Variants in SPIDR observed in about 807,000 individuals in gnomAD.
SPIDR encodes the protein DNA repair-scaffolding protein.
Under a neutral mutation model 104.6 loss-of-function variants are expected in SPIDR, and 93 were observed. The ratio of observed to expected loss-of-function variants is 0.89; its 90% CI spans 0.75 to 1.06. SPIDR has a LOEUF of 1.06. SPIDR is among the 50% of genes least tolerant of loss of function. SPIDR has a pLI of 0.00. For missense variants in SPIDR, 1,154 were observed against 1,111.2 expected (o/e 1.04, Z -0.55); for synonymous variants, 431 against 416.9 (o/e 1.03, Z -0.41).
intron 1 of SPIDR, among the ~76,000 whole-genome samples, chr8:47,262,736 T>C (rs958050455): frequency 6.6e-6 from 1 of 152,194 alleles, no homozygotes; most frequent in Non-Finnish European, 1.5e-5. Flanking sequence ...CTATAGAGGG[T>C]CCCCAGGAGG....
chr8:47,315,516 T>C lies in SPIDR; in HGVS notation c.525+21486T>C, dbSNP rs369856144. ...AATCATTTTCTTAGCAGGACTTTTC[T>C]CTTTTGGTAGAAATTGACAAGCTGA... is the stretch of plus-strand genomic sequence containing the variant. On this transcript the variant is annotated intron_variant, in intron 5 of 19. Transcript: ENST00000297423. Among the ~76,000 whole-genome samples the C allele has an allele frequency of 1.8e-4, 28 of 152,292 alleles. No individual in the cohort carries two copies. The South Asian group carries it at 4.1e-3, about 23-fold the overall frequency.
intron 10 of SPIDR, among the ~76,000 whole-genome samples, chr8:47,625,338 G>GCCCT (rs992629353): frequency 1.1e-4 from 16 of 152,200 alleles, no homozygotes; most frequent in African/African-American, 3.9e-4. Context: ...AGACAGGGAT[G>GCCCT]CCCTCTCTCA....
At chr8:47,366,623 C>T (rs1038591606) in intron 5 of SPIDR, among the ~76,000 whole-genome samples, 1 of 152,112 alleles carries the variant, frequency 6.6e-6, no homozygotes. Context: ...GATAATCCCT[C>T]GAAAGTGGAG....
At chr8:47,375,589 C>T (rs1347034082) in intron 5 of SPIDR, among the ~76,000 whole-genome samples, 2 of 152,142 alleles carry the variant, frequency 1.3e-5, no homozygotes, top group Non-Finnish European at 2.9e-5. Flanking sequence ...TAAAGCACGG[C>T]CTTCAAAGAA....
chr8:47,316,654 A>G (rs1296043618), intron 5 of SPIDR, among the ~76,000 whole-genome samples: 1 of 152,190 alleles, frequency 6.6e-6, no homozygotes, highest in East Asian at 1.9e-4. Flanking sequence ...GGCAAAATTG[A>G]TACATAATGG....
At chr8:47,721,092 A>G (rs2083332844) in intron 16 of SPIDR, among the ~76,000 whole-genome samples, 1 of 152,128 alleles carries the variant, frequency 6.6e-6, no homozygotes, top group Non-Finnish European at 1.5e-5. Flanking sequence ...TTTGCAAACC[A>G]TAAGTTTTAA....
At chr8:47,346,881 T>G in intron 5 of SPIDR, among the ~76,000 whole-genome samples, 1 of 152,140 alleles carries the variant, frequency 6.6e-6, no homozygotes, top group South Asian at 2.1e-4. Context: ...TGGTCTATTT[T>G]GCTGATCTTT....
intron 8 of SPIDR, among the ~76,000 whole-genome samples, chr8:47,498,619 C>T (rs1270627769): frequency 6.6e-6 from 1 of 152,016 alleles, no homozygotes; most frequent in Non-Finnish European, 1.5e-5. Flanking sequence ...CTGGTATATC[C>T]TAGATACTCT....
chr8:47,347,966 AGG>A (rs2052523526), intron 5 of SPIDR, among the ~76,000 whole-genome samples: 1 of 152,062 alleles, frequency 6.6e-6, no homozygotes, highest in Non-Finnish European at 1.5e-5. Context: ...TAATATTGTT[AGG>A]TGTGAATTTG....
intron 8 of SPIDR, among the ~76,000 whole-genome samples, chr8:47,569,477 A>C (rs1330039340): frequency 6.6e-6 from 1 of 152,240 alleles, no homozygotes; most frequent in Non-Finnish European, 1.5e-5. Flanking sequence ...TGTCAAGTGC[A>C]CATGGAACAT....
chr8:47,272,821 G>A (rs2035605683), intron 1 of SPIDR, among the ~76,000 whole-genome samples: 1 of 152,164 alleles, frequency 6.6e-6, no homozygotes, highest in Non-Finnish European at 1.5e-5. Flanking sequence ...TGGGATTATA[G>A]GCATGAGCCA....
chr8:47,331,989 C>CTTTTTTTTTTTTTTTTTTTTT (rs1289524835), intron 5 of SPIDR, among the ~76,000 whole-genome samples: 26 of 36,260 alleles, frequency 7.2e-4, no homozygotes, highest in Non-Finnish European at 1.0e-3. Flanking sequence ...TTTTTTTTCT[C>CTTTTTTTTTTTTTTTTTTTTT]TTTTTTTTTT....
chr8:47,432,010 A>G (rs1380178676), intron 7 of SPIDR, among the ~76,000 whole-genome samples: 2 of 152,234 alleles, frequency 1.3e-5, no homozygotes, highest in Non-Finnish European at 2.9e-5. Flanking sequence ...TCCTGAAGTT[A>G]TCTGTGAAAT....
intron 5 of SPIDR, among the ~76,000 whole-genome samples, chr8:47,357,433 GACATCCA>G (rs1332078836): frequency 6.6e-6 from 1 of 152,190 alleles, no homozygotes; most frequent in Non-Finnish European, 1.5e-5. Context: ...GGTTACTTGA[GACATCCA>G]CCAGGCTTAG....
Position 47,599,154 on chromosome 8 carries a change from A to G in SPIDR, c.1502A>G (p.Gln501Arg), listed in dbSNP as rs760396063. The change falls in exon 10 of 20, where the codon CAG becomes CGG. Residue 501 changes from glutamine (Q) to arginine (R), a missense_variant. Gln to Arg is a conservative substitution (Grantham distance 43). Coordinates refer to ENST00000297423, the MANE Select transcript of SPIDR (RefSeq NM_001080394.4). ...CCCAGCAGAGACAGCACCAGGGGTC[A>G]GCAGGGGGCCAGCTCAGGACACACA... ...SLPSRDSTRG[Q>R]QGASSGHTDP... The G allele has an allele frequency of 6.8e-6, 11 of 1,613,696 alleles. No homozygotes were observed. The highest frequency in any genetic ancestry group is 5.5e-5 in the South Asian group (5 of 91,002).
At chr8:47,414,377 C>G (rs782266701) in intron 7 of SPIDR, among the ~76,000 whole-genome samples, 2 of 151,936 alleles carry the variant, frequency 1.3e-5, no homozygotes, top group Non-Finnish European at 2.9e-5. Flanking sequence ...TTGTTTGGCT[C>G]AAAACAAAAA....
chr8:47,707,774 A>T (rs1565084), intron 14 of SPIDR, among the ~76,000 whole-genome samples: 4 of 152,200 alleles, frequency 2.6e-5, no homozygotes, highest in Admixed American at 1.3e-4. Context: ...TGGGTTTTGT[A>T]TAAGGTGTGT....
In SPIDR at chr8:47,396,503, A is replaced by C; in HGVS notation, c.653A>C (p.Gln218Pro). The C allele has an allele frequency of 6.2e-7, 1 of 1,614,168 alleles. No homozygotes were observed. The highest frequency in any genetic ancestry group is 8.5e-7 in the Non-Finnish European group (1 of 1,179,992). The stretch of plus-strand genomic sequence containing the variant: ...GTGCAGTTTGCATCGGATGCAAGAC[A>C]GATTATGGAGAGACTGATAGATCCA... ...YHVQFASDAR[Q>P]IMERLIDPRT... The change falls in exon 6 of 20, where the codon CAG becomes CCG. Residue 218 changes from glutamine (Q) to proline (P), a missense_variant. Transcript: ENST00000297423.
chr8:47,501,942 A>G (rs1412939848), intron 8 of SPIDR, among the ~76,000 whole-genome samples: 1 of 152,154 alleles, frequency 6.6e-6, no homozygotes, highest in Non-Finnish European at 1.5e-5. Context: ...ATGCTGGATT[A>G]TGTTTATTGA....
Sources: allele counts gnomAD v4.1 joint callset (sites outside exome capture counted in the v4.1 genomes callset), GRCh38; gene constraint gnomAD v4.1.1; transcripts MANE v1.5; gene names NCBI Gene and HGNC (gene_info 2026-07-23, HGNC 2026-07-21).